The following MBD5 variants were observed in gnomAD, a reference collection of about 807,000 sequenced individuals.
MBD5 encodes methyl-CpG-binding domain protein 5.
Under a neutral mutation model 117.3 loss-of-function variants are expected in MBD5, and 13 were observed. The ratio of observed to expected loss-of-function variants is 0.11; its 90% CI spans 0.07 to 0.18. The LOEUF is 0.18. MBD5 is among the 10% of genes least tolerant of loss of function. The pLI is 1.00. For missense variants in MBD5, 1,879 were observed against 2,093.8 expected (o/e 0.90, Z 2.00); for synonymous variants, 727 against 766.4 (o/e 0.95, Z 0.85).
rs1167573806 is a variant in MBD5 at position 148,515,786 on chromosome 2, A to G, written c.*2845A>G. 1 of 152,234 alleles carries G rather than the reference A, an allele frequency of 6.6e-6. No individual in the cohort carries two copies. Among genetic ancestry groups the G allele is most frequent in the Non-Finnish European group, 1.5e-5 (1 of 68,032 alleles). 9.4% of individuals were successfully genotyped at this position (152,234 alleles called of 1,614,324 possible). Reference sequence around the variant, plus strand: ...TTTTGTGTCCCTTAACAGTCCTAGGAAGCACAAGGAGAATAAACTAAACCT... The same window carrying G: ...TTTTGTGTCCCTTAACAGTCCTAGGGAGCACAAGGAGAATAAACTAAACCT... On this transcript the variant is annotated 3_prime_UTR_variant, in exon 14 of 14. Transcript: ENST00000642680.
intron 4 of MBD5, among the ~76,000 whole-genome samples, chr2:148,374,253 A>G (rs1047385870): frequency 3.6e-5 from 5 of 137,730 alleles, no homozygotes; most frequent in Non-Finnish European, 6.7e-5. Context: ...ACACACACAC[A>G]CACACACACA....
chr2:148,328,126 G>T (rs1453216270), intron 3 of MBD5, among the ~76,000 whole-genome samples: 2 of 152,162 alleles, frequency 1.3e-5, no homozygotes, highest in Non-Finnish European at 2.9e-5. Context: ...TGCCCCTGCT[G>T]GGGGGTGCCT....
chr2:148,217,215 G>A (rs1325510665), intron 2 of MBD5, among the ~76,000 whole-genome samples: 2 of 152,204 alleles, frequency 1.3e-5, no homozygotes, highest in Non-Finnish European at 2.9e-5. Flanking sequence ...GGTGGGTGAA[G>A]CGTATGCCAG....
chr2:148,145,258 T>C (rs948734458), intron 1 of MBD5, among the ~76,000 whole-genome samples: 1 of 152,220 alleles, frequency 6.6e-6, no homozygotes, highest in African/African-American at 2.4e-5. Flanking sequence ...TTGTCTGTTA[T>C]TGCTTTATAG....
intron 2 of MBD5, among the ~76,000 whole-genome samples, chr2:148,218,257 T>C (rs1699604688): frequency 6.6e-6 from 1 of 152,070 alleles, no homozygotes; most frequent in Non-Finnish European, 1.5e-5. Context: ...AGGGGGTAAG[T>C]CTAGGTTCAT....
At chr2:148,155,398 A>T (rs1311102814) in intron 1 of MBD5, among the ~76,000 whole-genome samples, 1 of 152,206 alleles carries the variant, frequency 6.6e-6, no homozygotes, top group African/African-American at 2.4e-5. Flanking sequence ...GAGAGAGCTC[A>T]GACAGGTAAT....
chr2:148,441,636 G>GTACTTCCTTATCTTAT (rs1706326501), intron 4 of MBD5, among the ~76,000 whole-genome samples: 1 of 152,148 alleles, frequency 6.6e-6, no homozygotes, highest in Admixed American at 6.5e-5. Flanking sequence ...TGGGATTGCT[G>GTACTTCCTTATCTTAT]GGTCAAATGG....
At chr2:148,215,316 A>T (rs541922318) in intron 2 of MBD5, among the ~76,000 whole-genome samples, 1 of 152,348 alleles carries the variant, frequency 6.6e-6, no homozygotes, top group South Asian at 2.1e-4. Context: ...CAGTGACATA[A>T]ATAATCCCAT....
intron 1 of MBD5, among the ~76,000 whole-genome samples, chr2:148,066,325 A>G (rs1695192066): frequency 6.6e-6 from 1 of 152,068 alleles, no homozygotes; most frequent in Non-Finnish European, 1.5e-5. Context: ...CAGTCAGTCA[A>G]TCAATCAATA....
At chr2:148,498,550 C>G (rs1008552421) in intron 11 of MBD5, among the ~76,000 whole-genome samples, 1 of 152,122 alleles carries the variant, frequency 6.6e-6, no homozygotes, top group African/African-American at 2.4e-5. Context: ...GTTGGCCAGG[C>G]TGGTCTGGAA....
intron 2 of MBD5, among the ~76,000 whole-genome samples, chr2:148,229,150 A>G (rs1574164503): frequency 6.7e-6 from 1 of 150,066 alleles, no homozygotes; most frequent in Non-Finnish European, 1.5e-5. Flanking sequence ...GCTATTTTGC[A>G]GCCTGCTTTG....
At chr2:148,437,312 C>G (rs1706183229) in intron 4 of MBD5, among the ~76,000 whole-genome samples, 1 of 152,066 alleles carries the variant, frequency 6.6e-6, no homozygotes, top group East Asian at 1.9e-4. Context: ...TTATAGCTGG[C>G]CTTTTTAAAT....
At chr2:148,231,630 T>A (rs570308365) in intron 2 of MBD5, among the ~76,000 whole-genome samples, 88 of 152,278 alleles carry the variant, frequency 5.8e-4, no homozygotes, top group African/African-American at 1.9e-3. Context: ...CATCTTGCCC[T>A]GCTTCAAGTT....
chr2:148,387,330 T>G (rs1208805326), intron 4 of MBD5, among the ~76,000 whole-genome samples: 1 of 152,170 alleles, frequency 6.6e-6, no homozygotes, highest in East Asian at 1.9e-4. Flanking sequence ...TAGAATTTTT[T>G]AATTCAGCTG....
intron 1 of MBD5, among the ~76,000 whole-genome samples, chr2:148,100,953 C>T (rs897350055): frequency 1.3e-5 from 2 of 152,250 alleles, no homozygotes; most frequent in Admixed American, 6.5e-5. Flanking sequence ...TTGTAAAGTA[C>T]AACTTGCACA....
chr2:148,269,643 A>C (rs970301978), intron 3 of MBD5, among the ~76,000 whole-genome samples: 3 of 144,942 alleles, frequency 2.1e-5, no homozygotes, highest in Non-Finnish European at 4.5e-5. Context: ...CTTTATACAG[A>C]TATATCTAAT....
At chr2:148,044,860 T>C (rs1289734112) in intron 1 of MBD5, 1 of 152,172 alleles carries the variant, frequency 6.6e-6, no homozygotes, top group South Asian at 2.1e-4. Flanking sequence ...GTTTTGGTAA[T>C]TACTCTACAA....
At chr2:148,430,681 T>G (rs1705957762) in intron 4 of MBD5, among the ~76,000 whole-genome samples, 1 of 152,156 alleles carries the variant, frequency 6.6e-6, no homozygotes, top group African/African-American at 2.4e-5. Flanking sequence ...TTATATCTAA[T>G]AGATATTTCC....
At chr2:148,354,165 TAC>T (rs1703314484) in intron 4 of MBD5, among the ~76,000 whole-genome samples, 1 of 152,186 alleles carries the variant, frequency 6.6e-6, no homozygotes, top group African/African-American at 2.4e-5. Context: ...TACATAGGTA[TAC>T]ATGTGCCATG....
Sources: allele counts gnomAD v4.1 joint callset (sites outside exome capture counted in the v4.1 genomes callset), GRCh38; gene constraint gnomAD v4.1.1; transcripts MANE v1.5; gene names NCBI Gene and HGNC (gene_info 2026-07-23, HGNC 2026-07-21).